Variants in TIAM2 observed in about 807,000 individuals in gnomAD.
The protein encoded by TIAM2 is rho guanine nucleotide exchange factor TIAM2.
Under a neutral mutation model 152.9 loss-of-function variants are expected in TIAM2, and 80 were observed. The observed-to-expected ratio is 0.52, with a 90% CI of 0.44 to 0.63. The LOEUF (loss-of-function observed/expected upper bound fraction) is 0.63, where lower values mean the gene tolerates loss of function less well. Ranked by LOEUF, TIAM2 falls within the 30% of genes least tolerant of loss-of-function variation. The pLI, the probability that TIAM2 is intolerant of heterozygous loss-of-function variation, is 0.00. For synonymous variants in TIAM2, 804 were observed against 838.0 expected (o/e 0.96, Z 0.70); for missense variants, 1,965 against 2,120.1 (o/e 0.93, Z 1.44).
rs568878162 is a variant in TIAM2 at position 155,240,527 on chromosome 6, C to CAA, written c.3169-2_3169-1insAA. The CAA allele has an allele frequency of 4.2e-5, 68 of 1,602,296 alleles. 2 individuals carry two copies. The South Asian group carries it at 7.1e-4, about 17-fold the overall frequency. ...TTATTTTCCACCTCTTGTCCTCTCT[C>CAA]AGAGTGCTGAGCAGATCACTGCACT... On this transcript the variant is annotated splice_polypyrimidine_tract_variant and splice_region_variant and intron_variant, in intron 15 of 26. Transcript: ENST00000682666.
intron 9 of TIAM2, among the ~76,000 whole-genome samples, chr6:155,167,697 A>G (rs975396655): frequency 6.6e-6 from 1 of 152,036 alleles, no homozygotes; most frequent in Non-Finnish European, 1.5e-5. Flanking sequence ...TGGTCTCCCT[A>G]TGTTGCCCAG....
At chr6:155,193,200 A>AT (rs1781252464) in intron 14 of TIAM2, among the ~76,000 whole-genome samples, 1 of 151,918 alleles carries the variant, frequency 6.6e-6, no homozygotes, top group Admixed American at 6.6e-5. Flanking sequence ...AGGCCAGGAG[A>AT]TTGAGACCAG....
chr6:155,109,960 T>C (rs1778796892), intron 2 of TIAM2, among the ~76,000 whole-genome samples: 2 of 126,912 alleles, frequency 1.6e-5, no homozygotes, highest in Non-Finnish European at 3.6e-5. Context: ...TTTTTTTTTT[T>C]TTTTTTTAAG....
chr6:155,148,307 A>G lies in TIAM2; in HGVS notation c.2001A>G (p.Pro667=), dbSNP rs1779865392. 1.9e-6 allele frequency: 3 copies of G among 1,612,010 alleles called. No homozygotes were observed. Among genetic ancestry groups the G allele is most frequent in the African/African-American group, 2.7e-5 (2 of 74,858 alleles). ...AELQLSVVSD[P]KNRKAIENQI... ...TGCAGCTGTCCGTGGTGAGCGACCC[A>G]AAGAACAGGAAAGCCATAGAGAACC... is the stretch of plus-strand genomic sequence containing the variant. Residue 667 remains proline (P), a synonymous_variant, in exon 7 of 27, where the codon CCA becomes CCG. Coordinates refer to ENST00000682666, the MANE Select transcript of TIAM2 (RefSeq NM_012454.4).
intron 14 of TIAM2, among the ~76,000 whole-genome samples, chr6:155,194,360 A>G (rs1279590630): frequency 1.3e-5 from 2 of 152,170 alleles, no homozygotes; most frequent in Non-Finnish European, 2.9e-5. Context: ...CACAGGGAAA[A>G]GATGATCAGG....
chr6:155,187,573 C>CCCTGT (rs1189509294), intron 14 of TIAM2, among the ~76,000 whole-genome samples: 1 of 49,614 alleles, frequency 2.0e-5, no homozygotes, highest in Non-Finnish European at 3.7e-5. Context: ...ACCCCGCCCC[C>CCCTGT]TTTTTTTTTT....
At chr6:155,108,011 A>G (rs1189866908) in intron 2 of TIAM2, among the ~76,000 whole-genome samples, 1 of 152,226 alleles carries the variant, frequency 6.6e-6, no homozygotes, top group Non-Finnish European at 1.5e-5. Flanking sequence ...ATTGTAACTT[A>G]CAGGATTATT....
chr6:155,184,127 T>C (rs1481801347), intron 14 of TIAM2, among the ~76,000 whole-genome samples: 3 of 152,160 alleles, frequency 2.0e-5, no homozygotes, highest in Non-Finnish European at 2.9e-5. Flanking sequence ...TAGCTGAGAC[T>C]ACAAACGTGT....
intron 7 of TIAM2, among the ~76,000 whole-genome samples, chr6:155,154,356 A>G (rs550518448): frequency 6.6e-6 from 1 of 152,248 alleles, no homozygotes; most frequent in Non-Finnish European, 1.5e-5. Context: ...CCTTTTTGAA[A>G]TAAAAAGGCA....
chr6:155,130,264 C>T lies in TIAM2; in HGVS notation c.1041C>T (p.His347=), dbSNP rs770060525. 1.3e-5 allele frequency: 21 copies of T among 1,614,068 alleles called. No homozygotes were observed. Among genetic ancestry groups the T allele is most frequent in the Admixed American group, 5.0e-5 (3 of 60,008 alleles). Residue 347 remains histidine, a synonymous_variant, in exon 4 of 27, where the codon CAC becomes CAT. Transcript: ENST00000682666. ...TTGATGTGCCCTCCAGAGTGGCACA[C>T]GGGGACCCCATCCAGTACAGTTCCT... ...SDIDVPSRVA[H]GDPIQYSSFT...
At chr6:155,170,250 C>T (rs906716559) in intron 9 of TIAM2, among the ~76,000 whole-genome samples, 8 of 113,844 alleles carry the variant, frequency 7.0e-5, no homozygotes, top group African/African-American at 1.5e-4. Context: ...CATTTAATGG[C>T]TGAGGATGAC....
intron 14 of TIAM2, among the ~76,000 whole-genome samples, chr6:155,192,335 G>A (rs566419508): frequency 3.3e-5 from 5 of 152,266 alleles, no homozygotes; most frequent in South Asian, 2.1e-4. Flanking sequence ...CACAGTTCTG[G>A]TATTCGGGGT....
intron 15 of TIAM2, among the ~76,000 whole-genome samples, chr6:155,215,009 G>A (rs1781818151): frequency 2.6e-5 from 4 of 152,170 alleles, no homozygotes; most frequent in Admixed American, 2.6e-4. Context: ...GTATTTAAAA[G>A]TTAAGTGTGC....
At chr6:155,193,317 T>C (rs906086691) in intron 14 of TIAM2, among the ~76,000 whole-genome samples, 1 of 152,122 alleles carries the variant, frequency 6.6e-6, no homozygotes, top group Non-Finnish European at 1.5e-5. Context: ...GGTGGGAGGA[T>C]TGCTTGAGTC....
At chr6:155,185,490 T>TTTTATTTA (rs57784770) in intron 14 of TIAM2, among the ~76,000 whole-genome samples, 2 of 145,958 alleles carry the variant, frequency 1.4e-5, no homozygotes, top group South Asian at 2.2e-4. Flanking sequence ...GTTAAGCCAC[T>TTTTATTTA]TTTATTTATT....
intron 1 of TIAM2, among the ~76,000 whole-genome samples, chr6:155,086,554 A>C (rs1778173750): frequency 6.6e-6 from 1 of 151,952 alleles, no homozygotes; most frequent in Non-Finnish European, 1.5e-5. Flanking sequence ...TAAAAATACA[A>C]AAATTAGACA....
intron 5 of TIAM2, among the ~76,000 whole-genome samples, chr6:155,139,465 C>T (rs1436789109): frequency 6.6e-6 from 1 of 152,172 alleles, no homozygotes; most frequent in Non-Finnish European, 1.5e-5. Context: ...TAAAGAACGT[C>T]CCCAGTTTTT....
chr6:155,028,761 A>G (rs1776705674), intron 1 of TIAM2, among the ~76,000 whole-genome samples: 1 of 127,502 alleles, frequency 7.8e-6, no homozygotes, highest in African/African-American at 3.3e-5. Context: ...TATAATATAT[A>G]TACTGTGTTA....
At chr6:155,252,818 GCCCTGAACA>G in intron 23 of TIAM2, 121 bp from the exon 24 acceptor site, 1 of 742,242 alleles carries the variant, frequency 1.3e-6, no homozygotes, top group South Asian at 1.8e-5. Context: ...TGACTTCTGT[GCCCTGAACA>G]CCCACATGGC....
Sources: allele counts gnomAD v4.1 joint callset (sites outside exome capture counted in the v4.1 genomes callset), GRCh38; gene constraint gnomAD v4.1.1; transcripts MANE v1.5; gene names NCBI Gene and HGNC (gene_info 2026-07-23, HGNC 2026-07-21).